Variants in FNIP2 observed in about 807,000 individuals in gnomAD.
FNIP2 encodes the protein folliculin-interacting protein 2.
Under a neutral mutation model 108.7 loss-of-function variants are expected in FNIP2, and 32 were observed. The ratio of observed to expected loss-of-function variants is 0.29; its 90% CI spans 0.22 to 0.40. The LOEUF is 0.40. Ranked by LOEUF, FNIP2 falls within the 10% of genes least tolerant of loss-of-function variation. The pLI is 1.00. For missense variants in FNIP2, 1,202 were observed against 1,381.6 expected (o/e 0.87, Z 2.06); for synonymous variants, 480 against 496.7 (o/e 0.97, Z 0.45).
intron 12 of FNIP2, among the ~76,000 whole-genome samples, chr4:158,864,884 T>C (rs1780495601): frequency 6.6e-6 from 1 of 152,090 alleles, no homozygotes. Context: ...TCTTTTTTCT[T>C]TCTGCTTTCC....
intron 15 of FNIP2, chr4:158,893,637 T>G: frequency 7.1e-7 from 1 of 1,410,650 alleles, no homozygotes; most frequent in South Asian, 1.2e-5. Flanking sequence ...ATGATCTTAT[T>G]TTTTGTTATA....
At chr4:158,865,767 T>G (rs959004983) in intron 12 of FNIP2, among the ~76,000 whole-genome samples, 4 of 152,200 alleles carry the variant, frequency 2.6e-5, no homozygotes, top group Non-Finnish European at 4.4e-5. Context: ...AAAGGTTTTC[T>G]CAAACAAAAG....
intron 2 of FNIP2, among the ~76,000 whole-genome samples, chr4:158,828,114 A>T (rs888772217): frequency 2.0e-5 from 3 of 152,226 alleles, no homozygotes; most frequent in African/African-American, 7.2e-5. Context: ...TACGTTTGTC[A>T]CTGTGATAAA....
intron 1 of FNIP2, among the ~76,000 whole-genome samples, chr4:158,818,517 A>G (rs1296707468): frequency 1.3e-5 from 2 of 152,246 alleles, no homozygotes; most frequent in Admixed American, 1.3e-4. Context: ...GAGGCTGTTT[A>G]TAGTCTCTAT....
chr4:158,796,988 C>G (rs1776610249), intron 1 of FNIP2, among the ~76,000 whole-genome samples: 1 of 152,174 alleles, frequency 6.6e-6, no homozygotes, highest in Non-Finnish European at 1.5e-5. Flanking sequence ...GGAACTGACT[C>G]AGAGAAATGA....
intron 6 of FNIP2, chr4:158,834,630 A>T (rs1278030188): frequency 6.6e-6 from 1 of 152,218 alleles, no homozygotes; most frequent in Admixed American, 6.5e-5. Flanking sequence ...CTTCAAAAAA[A>T]TAGCTGTCAA....
rs760643235 is a variant in FNIP2 at position 158,829,171 on chromosome 4, C to T, written c.327C>T (p.His109=). The T allele has an allele frequency of 9.3e-6, 15 of 1,613,112 alleles. No homozygotes were observed. Among genetic ancestry groups the T allele is most frequent in the South Asian group, 2.2e-5 (2 of 90,824 alleles). ...GTAGCAGCAGCAGCATCTCTTCCCA[C>T]AGTTCTTCTGGGGGATCTTCACATC... ...SSSSSSSISS[H]SSSGGSSHHA... Residue 109 remains histidine, a synonymous_variant, in exon 3 of 17, where the codon CAC becomes CAT. Coordinates refer to ENST00000264433, the MANE Select transcript of FNIP2 (RefSeq NM_020840.3).
At chr4:158,891,677 A>G in intron 15 of FNIP2, 31 bp downstream of exon 15, 1 of 1,555,436 alleles carries the variant, frequency 6.4e-7, no homozygotes, top group Non-Finnish European at 8.8e-7. Flanking sequence ...CACCAAAGAA[A>G]TCTAGTTTTA....
chr4:158,879,845 C>G (rs949613254), intron 14 of FNIP2, among the ~76,000 whole-genome samples: 2 of 150,374 alleles, frequency 1.3e-5, no homozygotes, highest in Non-Finnish European at 2.9e-5. Flanking sequence ...TGAAAAAATG[C>G]TCACCATCAC....
intron 1 of FNIP2, among the ~76,000 whole-genome samples, chr4:158,824,829 C>T (rs1301102416): frequency 2.0e-5 from 3 of 152,138 alleles, no homozygotes; most frequent in African/African-American, 7.2e-5. Context: ...TTACACCTTA[C>T]CACCTCCTTC....
intron 1 of FNIP2, among the ~76,000 whole-genome samples, chr4:158,777,985 T>C (rs1775914331): frequency 6.6e-6 from 1 of 152,136 alleles, no homozygotes; most frequent in Non-Finnish European, 1.5e-5. Flanking sequence ...GAAAAAAAAT[T>C]CTTTCCCTCA....
chr4:158,869,439 C>T lies in FNIP2; in HGVS notation c.2792+11C>T. ...GCTGCCTCTGCCAAGGTAACTCCAG[C>T]AGGCTGGGAAGTAGAGGGAACTGGG... is the stretch of plus-strand genomic sequence containing the variant. On this transcript the variant is annotated intron_variant, in intron 13 of 16. Transcript: ENST00000264433. 6.3e-7 allele frequency: 1 copy of T among 1,578,664 alleles called. No individual in the cohort carries two copies. Among genetic ancestry groups the T allele is most frequent in the South Asian group, 1.2e-5 (1 of 86,838 alleles).
At position 158,869,149 on chromosome 4, in the gene FNIP2, G is replaced by A. The variant is rs1366282057; in HGVS notation, c.2513G>A (p.Arg838Lys). Residue 838 changes from arginine to lysine, a missense_variant, in exon 13 of 17, where the codon AGA (arginine) becomes AAA (lysine). Physicochemically the swap from Arg to Lys is conservative, Grantham distance 26. Transcript: ENST00000264433. ...GTGGRRLEAT[R>K]GLYVKAAEGP... ...GGAGGGAGGAGGCTGGAGGCCACTAGAGGTTTGTATGTGAAGGCTGCGGAA... is the reference window on the plus strand; with the variant it reads ...GGAGGGAGGAGGCTGGAGGCCACTAAAGGTTTGTATGTGAAGGCTGCGGAA... 1 of 1,613,930 alleles carries A rather than the reference G, an allele frequency of 6.2e-7. No individual in the cohort carries two copies. The highest frequency in any genetic ancestry group is 8.5e-7 in the Non-Finnish European group (1 of 1,179,910).
intron 7 of FNIP2, among the ~76,000 whole-genome samples, chr4:158,844,284 GA>G (rs1234625114): frequency 6.6e-6 from 1 of 152,148 alleles, no homozygotes; most frequent in Non-Finnish European, 1.5e-5. Context: ...ATGAGGGGGG[GA>G]AAATAAATCC....
intron 3 of FNIP2, among the ~76,000 whole-genome samples, chr4:158,830,738 T>C (rs1039328779): frequency 7.9e-5 from 12 of 152,218 alleles, no homozygotes; most frequent in African/African-American, 2.9e-4. Flanking sequence ...GAAAGCACAC[T>C]GACAGAGAAT....
intron 1 of FNIP2, among the ~76,000 whole-genome samples, chr4:158,799,424 A>G (rs1263155304): frequency 1.3e-5 from 2 of 152,230 alleles, no homozygotes; most frequent in East Asian, 3.8e-4. Flanking sequence ...ACCATAGAGC[A>G]GTTTTCTGTG....
chr4:158,882,055 G>C (rs1418909967), intron 14 of FNIP2, among the ~76,000 whole-genome samples: 1 of 151,082 alleles, frequency 6.6e-6, no homozygotes, highest in Non-Finnish European at 1.5e-5. Context: ...TGAGATGTGG[G>C]GAGTGCCTCT....
intron 1 of FNIP2, among the ~76,000 whole-genome samples, chr4:158,817,684 A>C (rs567830454): frequency 6.6e-6 from 1 of 152,158 alleles, no homozygotes; most frequent in Non-Finnish European, 1.5e-5. Context: ...GTTAGCTGGG[A>C]TCACAGGCGC....
intron 14 of FNIP2, among the ~76,000 whole-genome samples, chr4:158,883,285 A>G (rs1286505678): frequency 6.6e-6 from 1 of 151,982 alleles, no homozygotes; most frequent in Admixed American, 6.6e-5. Context: ...TCTGTCGTCC[A>G]GGCTGGAGTG....
Sources: allele counts gnomAD v4.1 joint callset (sites outside exome capture counted in the v4.1 genomes callset), GRCh38; gene constraint gnomAD v4.1.1; transcripts MANE v1.5; gene names NCBI Gene and HGNC (gene_info 2026-07-23, HGNC 2026-07-21).